SMG1: variants seen among roughly 807,000 people sequenced by gnomAD.
SMG1 encodes serine/threonine-protein kinase SMG1.
In SMG1, 22 loss-of-function variants were observed where a neutral mutation model predicts 419.9. That is an observed-to-expected ratio of 0.05 (90% CI 0.04 to 0.07). The LOEUF (loss-of-function observed/expected upper bound fraction) is 0.07. SMG1 is among the 10% of genes least tolerant of loss of function. The pLI, the probability that SMG1 is intolerant of heterozygous loss-of-function variation, is 1.00. For synonymous variants in SMG1, 1,538 were observed against 1,553.5 expected (o/e 0.99, Z 0.23); for missense variants, 3,185 against 4,342.0 (o/e 0.73, Z 7.49).
At chr16:18,873,425 T>C (rs939594608) in intron 13 of SMG1, among the ~76,000 whole-genome samples, 47 of 152,290 alleles carry the variant, frequency 3.1e-4, no homozygotes, top group African/African-American at 1.1e-3. Context: ...TTTCACCATG[T>C]TGGCCAGGCT....
chr16:18,889,225 G>A (rs916522797), intron 6 of SMG1, 147 bp downstream of exon 6: 23 of 527,758 alleles, frequency 4.4e-5, no homozygotes, highest in African/African-American at 3.5e-4. Context: ...TACTCAAACT[G>A]AGAAAGAGGA....
At chr16:18,902,714 A>C (rs2037397325) in intron 1 of SMG1, among the ~76,000 whole-genome samples, 1 of 152,076 alleles carries the variant, frequency 6.6e-6, no homozygotes, top group African/African-American at 2.4e-5. Context: ...TCAAAAAAAA[A>C]AAAAAGAGTG....
chr16:18,884,822 C>G (rs371437839), intron 8 of SMG1: 7 of 389,288 alleles, frequency 1.8e-5, no homozygotes, highest in African/African-American at 1.3e-4. Flanking sequence ...GGTATTGCCA[C>G]TACAATATAT....
chr16:18,904,009 C>G (rs1245574510), intron 1 of SMG1, among the ~76,000 whole-genome samples: 1 of 144,184 alleles, frequency 6.9e-6, no homozygotes, highest in Non-Finnish European at 1.5e-5. Context: ...GTGATCTCGA[C>G]TCACTGCAAG....
chr16:18,925,801 C>T (rs1019382851), intron 1 of SMG1, 149 bp downstream of exon 1: 86 of 538,990 alleles, frequency 1.6e-4, no homozygotes, highest in Non-Finnish European at 2.4e-4. Context: ...CTTCCTCCCC[C>T]AGCCGGGGCG....
At position 18,836,112 on chromosome 16, in the gene SMG1, G is replaced by A. The variant is rs1283233552; in HGVS notation, c.7878C>T (p.Leu2626=). The change falls in exon 48 of 63, where the codon CTC becomes CTT. Residue 2626 remains leucine, a synonymous_variant. Coordinates refer to ENST00000446231, the MANE Select transcript of SMG1 (RefSeq NM_015092.5). ...GGAGCACGGAGCGCCTCTGCTGCAG[G>A]AGAGCACCAACCTCCCCCTCCAGCT... The part of the protein sequence containing the change: ...CEQLEGEVGA[L]LQQRRSVLRG... 1.9e-6 allele frequency: 3 copies of A among 1,609,582 alleles called. No homozygotes were observed. The highest frequency in any genetic ancestry group is 8.5e-7 in the Non-Finnish European group (1 of 1,177,990).
chr16:18,904,271 A>T (rs1236733921), intron 1 of SMG1, among the ~76,000 whole-genome samples: 1 of 151,434 alleles, frequency 6.6e-6, no homozygotes, highest in Non-Finnish European at 1.5e-5. Flanking sequence ...CTCCCATTTT[A>T]CTACTGCTTA....
Position 18,864,136 on chromosome 16 carries a change from T to A in SMG1, c.3359A>T (p.Lys1120Met). The change falls in exon 24 of 63, where the codon AAG (lysine) becomes ATG (methionine). Residue 1120 changes from lysine (K) to methionine (M), a missense_variant. Transcript: ENST00000446231. ...VAQQAEGRFE[K>M]ASVEYQEHLC... The stretch of plus-strand genomic sequence containing the variant: ...GTGTTCCTGGTACTCCACAGAGGCC[T>A]TTTCAAACCTGAAAAGCAAATTGAA... 1 of 1,519,474 alleles carries A rather than the reference T, an allele frequency of 6.6e-7. No individual in the cohort carries two copies. Among genetic ancestry groups the A allele is most frequent in the Non-Finnish European group, 8.8e-7 (1 of 1,135,990 alleles). The allele number at this position is 1,519,474 out of a possible 1,614,324, so 94.1% of individuals were successfully genotyped here. A position where few individuals can be genotyped will look rare whatever the true frequency, so the allele number is the denominator to read the frequency against.
At chr16:18,840,464 T>C (rs1199677245) in intron 41 of SMG1, among the ~76,000 whole-genome samples, 1 of 152,202 alleles carries the variant, frequency 6.6e-6, no homozygotes, top group Non-Finnish European at 1.5e-5. Context: ...AAACTCATGC[T>C]CTTTTCCCCT....
chr16:18,919,914 T>C (rs2038129610), intron 1 of SMG1, among the ~76,000 whole-genome samples: 1 of 151,622 alleles, frequency 6.6e-6, no homozygotes, highest in Admixed American at 6.6e-5. Context: ...CTGGCCAACA[T>C]GGCGAAACCC....
intron 60 of SMG1, among the ~76,000 whole-genome samples, chr16:18,814,433 A>G (rs1219141025): frequency 6.7e-6 from 1 of 150,266 alleles, no homozygotes; most frequent in Non-Finnish European, 1.5e-5. Context: ...TGGGGGGTGG[A>G]GGTTACAGTG....
chr16:18,858,416 T>C, intron 28 of SMG1, 126 bp from the exon 29 acceptor site: 1 of 688,132 alleles, frequency 1.5e-6, no homozygotes, highest in Non-Finnish European at 2.3e-6. Context: ...GCAGTAGTTT[T>C]ATCTATTACA....
In SMG1 at chr16:18,849,547, G is replaced by C. The variant is rs779921764; in HGVS notation, c.5462-169C>G. Among the ~76,000 whole-genome samples, 7 of 152,174 alleles carry C rather than the reference G, an allele frequency of 4.6e-5. No homozygotes were observed. The South Asian group carries it at 1.4e-3, about 31-fold the overall frequency. On this transcript the variant is annotated intron_variant, in intron 35 of 62. Transcript: ENST00000446231. ...TAAAGAACCATACACAATAGTTCTT[G>C]ATTCGCAAGTCTGGTTAAGGTTGGT... is the stretch of plus-strand genomic sequence containing the variant.
Position 18,899,330 on chromosome 16 carries a change from T to G in SMG1, c.93-2374A>C, listed in dbSNP as rs370528641. ...TCTAAATCCCCTAAGTTATGAACAC[T>G]GAGATTTTTTTCCCAAAAAAAATTT... is the stretch of plus-strand genomic sequence containing the variant. On this transcript the variant is annotated intron_variant, in intron 1 of 62. Transcript: ENST00000446231. Among the ~76,000 whole-genome samples, 32 of 152,102 alleles carry G rather than the reference T, an allele frequency of 2.1e-4. 1 individual carries two copies. Among genetic ancestry groups the G allele is most frequent in the East Asian group, 1.5e-3 (8 of 5,176 alleles).
chr16:18,916,187 G>C (rs886901045), intron 1 of SMG1, among the ~76,000 whole-genome samples: 2 of 145,758 alleles, frequency 1.4e-5, no homozygotes, highest in Non-Finnish European at 3.0e-5. Flanking sequence ...AATCTAAAAA[G>C]GAAAAGTACA....
chr16:18,918,298 A>G (rs1194648966), intron 1 of SMG1, among the ~76,000 whole-genome samples: 1 of 152,178 alleles, frequency 6.6e-6, no homozygotes, highest in Non-Finnish European at 1.5e-5. Flanking sequence ...AAAGAAAAAA[A>G]CACTTGAACT....
rs528834941 is a variant in SMG1 at position 18,805,592 on chromosome 16, T to C, written c.*3977A>G. 3 of 152,344 alleles carry C rather than the reference T, an allele frequency of 2.0e-5. No homozygotes were observed. The highest frequency in any genetic ancestry group is 3.9e-4 in the East Asian group (2 of 5,188). 9.4% of individuals were successfully genotyped at this position (152,344 alleles called of 1,614,324 possible). ...AGTGCAACAAACCCTTAGGGTTTCA[T>C]GATACAGTGAATTTTCCCCTCCCCA... On this transcript the variant is annotated 3_prime_UTR_variant, in exon 63 of 63. Transcript: ENST00000446231.
chr16:18,899,161 G>A (rs2037248785), intron 1 of SMG1, among the ~76,000 whole-genome samples: 1 of 152,122 alleles, frequency 6.6e-6, no homozygotes, highest in Admixed American at 6.6e-5. Flanking sequence ...AGTTTTTACA[G>A]TCAATATAGA....
intron 7 of SMG1, 154 bp downstream of exon 7, chr16:18,885,387 G>C (rs2036571197): frequency 1.3e-5 from 13 of 970,452 alleles, no homozygotes; most frequent in African/African-American, 3.2e-5. Context: ...ATGAATGTCA[G>C]AAAGAAAAAT....
Sources: allele counts gnomAD v4.1 joint callset (sites outside exome capture counted in the v4.1 genomes callset), GRCh38; gene constraint gnomAD v4.1.1; transcripts MANE v1.5; gene names NCBI Gene and HGNC (gene_info 2026-07-23, HGNC 2026-07-21).